The following ATG2B variants were observed in gnomAD, a reference collection of about 807,000 sequenced individuals.
The protein encoded by ATG2B is autophagy related 2B.
A neutral mutation model predicts 241.3 loss-of-function variants in ATG2B; 121 were observed. The observed-to-expected ratio is 0.50, with a 90% CI of 0.43 to 0.58. ATG2B has a LOEUF of 0.58. Ranked by LOEUF, ATG2B falls within the 20% of genes least tolerant of loss-of-function variation. ATG2B has a pLI of 0.00. For missense variants in ATG2B, 2,306 were observed against 2,491.6 expected (o/e 0.93, Z 1.59); for synonymous variants, 858 against 876.6 (o/e 0.98, Z 0.37).
intron 18 of ATG2B, among the ~76,000 whole-genome samples, chr14:96,318,624 A>G (rs1887378731): frequency 6.6e-6 from 1 of 152,194 alleles, no homozygotes; most frequent in African/African-American, 2.4e-5. Context: ...CCTTATGACT[A>G]GCGAGACTAG....
chr14:96,350,056 C>T (rs1002530860), intron 1 of ATG2B, among the ~76,000 whole-genome samples: 4 of 151,940 alleles, frequency 2.6e-5, no homozygotes, highest in Admixed American at 6.6e-5. Flanking sequence ...CTTGAGAAGC[C>T]GAGGTGGGAG....
At chr14:96,324,402 C>A (rs560943502) in intron 15 of ATG2B, among the ~76,000 whole-genome samples, 1 of 152,048 alleles carries the variant, frequency 6.6e-6, no homozygotes, top group Non-Finnish European at 1.5e-5. Flanking sequence ...TAATTCTACA[C>A]GGGCTGGGCG....
intron 28 of ATG2B, among the ~76,000 whole-genome samples, chr14:96,310,594 A>T (rs1356112316): frequency 6.6e-6 from 1 of 152,172 alleles, no homozygotes; most frequent in Non-Finnish European, 1.5e-5. Context: ...TAGAGCAATC[A>T]TCTAAATTCT....
At position 96,343,268 on chromosome 14, in the gene ATG2B, CA is replaced by C. The variant is rs1888091735; in HGVS notation, c.594del (p.Cys198TrpfsTer73). The C allele has an allele frequency of 5.7e-6, 9 of 1,581,394 alleles. No individual in the cohort carries two copies. Among genetic ancestry groups the C allele is most frequent in the Non-Finnish European group, 7.7e-6 (9 of 1,166,990 alleles). ...LEIRIERTVY[C>X]DETADESSGI... The stretch of plus-strand genomic sequence containing the variant: ...CCTGAGGATTCGTCAGCAGTTTCAT[CA>C]CAGTACACAGTTCTGAAATTTTTTT... On this transcript the variant is annotated frameshift_variant, in exon 5 of 42. Coordinates refer to ENST00000359933, the MANE Select transcript of ATG2B (RefSeq NM_018036.7). LOFTEE classifies it high-confidence loss of function.
At chr14:96,338,477 G>A (rs915171343) in intron 6 of ATG2B, among the ~76,000 whole-genome samples, 7 of 151,988 alleles carry the variant, frequency 4.6e-5, no homozygotes, top group Admixed American at 2.0e-4. Flanking sequence ...TGCCTATTTT[G>A]TTGAGAGTTT....
chr14:96,314,054 C>A (rs1160236114), intron 23 of ATG2B, among the ~76,000 whole-genome samples: 1 of 152,180 alleles, frequency 6.6e-6, no homozygotes, highest in Non-Finnish European at 1.5e-5. Context: ...TCTATTCTTT[C>A]ATATTTCTAA....
chr14:96,308,272 ATATATATATATT>A (rs1566719939), intron 29 of ATG2B, among the ~76,000 whole-genome samples: 370 of 25,812 alleles, frequency 0.014, 24 homozygotes, highest in Non-Finnish European at 0.019. Context: ...ATATATATAT[ATATATATATATT>A]TTTTTTTTTT....
intron 41 of ATG2B, among the ~76,000 whole-genome samples, chr14:96,288,028 T>TTTA (rs1886385902): frequency 1.3e-5 from 2 of 152,120 alleles, no homozygotes; most frequent in South Asian, 4.1e-4. Flanking sequence ...TTTTTTTAAC[T>TTTA]TTAATAGAGA....
rs768349717 is a variant in ATG2B, at chr14:96,311,608, A to G, written c.3924T>C (p.Arg1308=). 6.2e-7 allele frequency: 1 copy of G among 1,606,840 alleles called. No individual in the cohort carries two copies. Among genetic ancestry groups the G allele is most frequent in the East Asian group, 2.2e-5 (1 of 44,640 alleles). Residue 1308 remains arginine (R), a synonymous_variant, in exon 27 of 42, where the codon CGT becomes CGC. Coordinates refer to ENST00000359933, the MANE Select transcript of ATG2B (RefSeq NM_018036.7). ...VTINLSRDYV[R]VMDMGLLELT... ...ACTCCAAAAGCCCCATATCCATCAC[A>G]CGAACATAATCTAAAATTTTTAAAA... is the stretch of plus-strand genomic sequence containing the variant.
rs180755896 is a variant in ATG2B at position 96,329,800 on chromosome 14, T to C, written c.1731-166A>G. ...TAAGATAAAAAATCAGTTCTGTTGA[T>C]GGGAAATTTTCCAGGATCTGTTTAT... On this transcript the variant is annotated intron_variant, in intron 11 of 41. Transcript: ENST00000359933. Among the ~76,000 whole-genome samples, 148 of 152,356 alleles carry C rather than the reference T, an allele frequency of 9.7e-4. 1 individual carries two copies. The highest frequency in any genetic ancestry group is 3.4e-3 in the African/African-American group (142 of 41,588).
intron 34 of ATG2B, among the ~76,000 whole-genome samples, chr14:96,299,319 T>C (rs1898221251): frequency 6.6e-6 from 1 of 152,138 alleles, no homozygotes; most frequent in South Asian, 2.1e-4. Flanking sequence ...AAACTCCCAG[T>C]CTAGGTTAAG....
intron 41 of ATG2B, among the ~76,000 whole-genome samples, chr14:96,288,865 T>C (rs1886408676): frequency 6.7e-6 from 1 of 149,580 alleles, no homozygotes; most frequent in South Asian, 2.1e-4. Context: ...AATTCAGCAA[T>C]GCTTAATACA....
At chr14:96,312,314 T>A (rs1460751580) in intron 25 of ATG2B, among the ~76,000 whole-genome samples, 155 bp from the exon 26 acceptor site, 1 of 152,244 alleles carries the variant, frequency 6.6e-6, no homozygotes, top group African/African-American at 2.4e-5. Flanking sequence ...TAACATTTTT[T>A]AAAAACTGTT....
At chr14:96,317,577 G>A (rs1436636294) in intron 19 of ATG2B, 121 bp downstream of exon 19, 7 of 889,332 alleles carry the variant, frequency 7.9e-6, no homozygotes, top group Non-Finnish European at 1.1e-5. Context: ...ATTACTAAAA[G>A]AAATTGCAAA....
chr14:96,298,402 C>A (rs750438215), intron 34 of ATG2B, among the ~76,000 whole-genome samples: 7 of 152,128 alleles, frequency 4.6e-5, no homozygotes, highest in Non-Finnish European at 1.0e-4. Context: ...TATCTTATGA[C>A]CCAGAAATTC....
chr14:96,337,255 G>A (rs774013957), intron 6 of ATG2B, among the ~76,000 whole-genome samples: 11 of 152,212 alleles, frequency 7.2e-5, no homozygotes, highest in Admixed American at 2.0e-4. Context: ...GAATAAATCC[G>A]GGTATCTTCT....
At position 96,280,903 on chromosome 14, in the gene ATG2B, AAAAAT is replaced by A. The variant is rs1289298285; in HGVS notation, c.*4847_*4851del. On this transcript the variant is annotated 3_prime_UTR_variant, in exon 42 of 42. Coordinates refer to ENST00000359933, the MANE Select transcript of ATG2B (RefSeq NM_018036.7). The stretch of plus-strand genomic sequence containing the variant: ...GTCTGAAAAAATAAATAAATAAAAT[AAAAAT>A]AAGTATGTCTTTTAAATATTCCCTT... 4 of 152,224 alleles carry A rather than the reference AAAAAT, an allele frequency of 2.6e-5. No individual in the cohort carries two copies. The highest frequency in any genetic ancestry group is 9.6e-5 in the African/African-American group (4 of 41,456). 9.4% of individuals were successfully genotyped at this position (152,224 alleles called of 1,614,324 possible). A position where few individuals can be genotyped will look rare whatever the true frequency, so the allele number is the denominator to read the frequency against.
At chr14:96,336,153 TA>T (rs74984817) in intron 6 of ATG2B, among the ~76,000 whole-genome samples, 3,067 of 131,318 alleles carry the variant, frequency 0.023, 73 homozygotes, top group African/African-American at 0.066. Context: ...TCAGAGAACT[TA>T]AAAAAAAAAA....
intron 35 of ATG2B, 56 bp from the exon 36 acceptor site, chr14:96,295,223 T>C: frequency 7.3e-7 from 1 of 1,364,816 alleles, no homozygotes; most frequent in Non-Finnish European, 1.0e-6. Context: ...TTAGCAAACA[T>C]TTAAATCAAT....
Sources: gnomAD v4.1 joint callset for allele counts (sites outside exome capture counted in the v4.1 genomes callset) on GRCh38, gnomAD v4.1.1 for gene constraint, MANE v1.5 for transcripts, NCBI Gene and HGNC (gene_info 2026-07-23, HGNC 2026-07-21) for gene names.